ELAPOR2: variants seen among roughly 807,000 people sequenced by gnomAD.
ELAPOR2 encodes endosome/lysosome-associated apoptosis and autophagy regulator family member 2.
ELAPOR2 carries 89 observed loss-of-function variants against 120.7 expected under a neutral mutation model. The observed-to-expected ratio is 0.74, with a 90% CI of 0.62 to 0.88. The LOEUF (loss-of-function observed/expected upper bound fraction) is 0.88. ELAPOR2 is among the 40% of genes least tolerant of loss of function. ELAPOR2 has a pLI of 0.00. For synonymous variants in ELAPOR2, 444 were observed against 444.9 expected, an observed-to-expected ratio of 1.00 and a Z score of 0.03; for missense variants, 1,134 against 1,251.6, an observed-to-expected ratio of 0.91 and a Z score of 1.42.
intron 1 of ELAPOR2, among the ~76,000 whole-genome samples, chr7:86,981,959 T>C (rs749294832): frequency 2.6e-5 from 4 of 152,246 alleles, no homozygotes; most frequent in Non-Finnish European, 5.9e-5. Context: ...CCTGCCCACA[T>C]ACTGCGCTTT....
Position 86,964,790 on chromosome 7 carries a change from C to T in ELAPOR2, c.310+114G>A, listed in dbSNP as rs548080220. ...GCATTTATTCTGCTGGTTATCAATG[C>T]CATATGCTCATTTTTGTAAGGTCTC... On this transcript the variant is annotated intron_variant, in intron 2 of 21. Coordinates refer to ENST00000450689, the MANE Select transcript of ELAPOR2 (RefSeq NM_001142749.3). 330 of 1,081,032 alleles carry T rather than the reference C, an allele frequency of 3.1e-4. 2 individuals are homozygous for T. In the South Asian group the frequency reaches 4.9e-3, roughly 16 times the overall value. The allele number at this position is 1,081,032 out of a possible 1,614,324, so 67.0% of individuals were successfully genotyped here.
At chr7:87,027,946 A>C (rs1794298526) in intron 1 of ELAPOR2, among the ~76,000 whole-genome samples, 1 of 152,170 alleles carries the variant, frequency 6.6e-6, no homozygotes, top group African/African-American at 2.4e-5. Context: ...AAATGTCTCA[A>C]ATTAAAAGAC....
At chr7:86,938,284 A>T in intron 7 of ELAPOR2, 70 bp from the exon 8 acceptor site, 1 of 1,186,666 alleles carries the variant, frequency 8.4e-7, no homozygotes, top group Non-Finnish European at 1.2e-6. Context: ...GCAAAAAAGC[A>T]AAACAGAAAA....
chr7:87,043,379 C>T (rs1299772766), intron 1 of ELAPOR2, among the ~76,000 whole-genome samples: 581 of 149,728 alleles, frequency 3.9e-3, no homozygotes, highest in African/African-American at 0.013. Context: ...ACTGGCAAAC[C>T]GAATCCAGCA....
intron 1 of ELAPOR2, among the ~76,000 whole-genome samples, chr7:86,974,559 G>A (rs1172049669): frequency 7.0e-6 from 1 of 142,932 alleles, no homozygotes; most frequent in Non-Finnish European, 1.5e-5. Context: ...AGGTTATAAA[G>A]CAATATATCT....
intron 3 of ELAPOR2, among the ~76,000 whole-genome samples, chr7:86,946,966 CT>C (rs1353444144): frequency 6.6e-6 from 1 of 151,990 alleles, no homozygotes; most frequent in Admixed American, 6.6e-5. Flanking sequence ...AAAAAGACAG[CT>C]AGAGTGAAAG....
chr7:87,049,422 C>A (rs990862848), intron 1 of ELAPOR2, among the ~76,000 whole-genome samples: 9 of 152,138 alleles, frequency 5.9e-5, no homozygotes, highest in Admixed American at 5.2e-4. Context: ...GCTGGAACCA[C>A]AGGCTCCCGC....
At chr7:87,038,033 T>C (rs1032887358) in intron 1 of ELAPOR2, among the ~76,000 whole-genome samples, 3 of 152,180 alleles carry the variant, frequency 2.0e-5, no homozygotes, top group Non-Finnish European at 2.9e-5. Context: ...TCCTGTGAGA[T>C]ACATGCTAGA....
chr7:87,043,453 C>T (rs1184357238), intron 1 of ELAPOR2, among the ~76,000 whole-genome samples: 1 of 151,656 alleles, frequency 6.6e-6, no homozygotes, highest in East Asian at 1.9e-4. Flanking sequence ...AAGGCTGGTT[C>T]AATATACGCA....
At chr7:87,051,005 G>T (rs749130107) in intron 1 of ELAPOR2, among the ~76,000 whole-genome samples, 14 of 152,200 alleles carry the variant, frequency 9.2e-5, no homozygotes, top group Non-Finnish European at 1.8e-4. Flanking sequence ...GTACCTGTCA[G>T]ATTTAAGGTA....
intron 21 of ELAPOR2, 145 bp downstream of exon 21, chr7:86,891,579 G>A (rs1788161348): frequency 3.3e-6 from 2 of 600,076 alleles, no homozygotes; most frequent in Non-Finnish European, 2.9e-6. Flanking sequence ...TCTATATCAT[G>A]TGCTTCTAAG....
intron 1 of ELAPOR2, among the ~76,000 whole-genome samples, chr7:86,972,400 C>G (rs912283089): frequency 3.3e-5 from 5 of 152,080 alleles, no homozygotes; most frequent in African/African-American, 1.2e-4. Flanking sequence ...TCATTAAAGG[C>G]TGCACCTCCC....
chr7:86,949,455 C>T (rs1433714495), intron 2 of ELAPOR2, among the ~76,000 whole-genome samples: 1 of 152,144 alleles, frequency 6.6e-6, no homozygotes, highest in Admixed American at 6.5e-5. Flanking sequence ...GCCATTGGGG[C>T]GGGAGGAGGC....
rs558376325 is a variant in ELAPOR2 at position 86,930,370 on chromosome 7, C to T, written c.1090-3454G>A. Among the ~76,000 whole-genome samples, 38 of 151,980 alleles carry T rather than the reference C, an allele frequency of 2.5e-4. 1 individual carries two copies. In the South Asian group the frequency reaches 6.0e-3, roughly 24 times the overall value. On this transcript the variant is annotated intron_variant, in intron 8 of 21. Transcript: ENST00000450689. ...AGACATTCCATGTTCTCCCATCTTCCCAATTAAGAAACATAAGCTCTAAGT... is the reference window on the plus strand; with the variant it reads ...AGACATTCCATGTTCTCCCATCTTCTCAATTAAGAAACATAAGCTCTAAGT...
rs75472562 is a variant in ELAPOR2, at chr7:86,993,750, T to C, written c.190-28726A>G. Among the ~76,000 whole-genome samples the C allele has an allele frequency of 2.3e-3, 351 of 152,292 alleles. 4 individuals are homozygous for C. Among genetic ancestry groups the C allele is most frequent in the African/African-American group, 8.2e-3 (339 of 41,570 alleles). The stretch of plus-strand genomic sequence containing the variant: ...CCTCTATAATCTAGTCCTGAAAGCC[T>C]TCTCAAAATCCAACTTGTACACAAT... On this transcript the variant is annotated intron_variant, in intron 1 of 21. Coordinates refer to ENST00000450689, the MANE Select transcript of ELAPOR2 (RefSeq NM_001142749.3).
At chr7:86,975,796 G>GT (rs1207022034) in intron 1 of ELAPOR2, among the ~76,000 whole-genome samples, 1 of 152,226 alleles carries the variant, frequency 6.6e-6, no homozygotes, top group Non-Finnish European at 1.5e-5. Flanking sequence ...ACAGCAGGTA[G>GT]TCTGAATAAG....
rs142303372 is a variant in ELAPOR2 at position 86,934,722 on chromosome 7, A to G, written c.1089+3404T>C. ...GCTATTTGCTATAATTCTCAGATTC[A>G]CATAGCTAGCCCAGATGCTCTACTG... On this transcript the variant is annotated intron_variant, in intron 8 of 21. Transcript: ENST00000450689. 5.9e-5 allele frequency among the ~76,000 whole-genome samples: 9 copies of G among 152,122 alleles called. No homozygotes were observed. In the East Asian group the frequency reaches 1.8e-3, roughly 30 times the overall value.
At chr7:86,936,666 C>T (rs915751809) in intron 8 of ELAPOR2, among the ~76,000 whole-genome samples, 1 of 152,028 alleles carries the variant, frequency 6.6e-6, no homozygotes, top group Non-Finnish European at 1.5e-5. Flanking sequence ...TATGTGTGTA[C>T]ACCGCATGCC....
intron 8 of ELAPOR2, among the ~76,000 whole-genome samples, chr7:86,933,634 C>T (rs903739627): frequency 3.9e-5 from 6 of 151,938 alleles, no homozygotes; most frequent in East Asian, 3.9e-4. Context: ...GGATGTTTAC[C>T]GCCGATTTCT....
Sources: allele counts gnomAD v4.1 joint callset (sites outside exome capture counted in the v4.1 genomes callset), GRCh38; gene constraint gnomAD v4.1.1; transcripts MANE v1.5; gene names NCBI Gene and HGNC (gene_info 2026-07-23, HGNC 2026-07-21).